ABCD3: variants seen among roughly 807,000 people sequenced by gnomAD.
ABCD3 encodes ATP-binding cassette sub-family D member 3.
In ABCD3, 41 loss-of-function variants were observed where a neutral mutation model predicts 105.5. The ratio of observed to expected loss-of-function variants is 0.39; its 90% CI spans 0.30 to 0.50. The LOEUF is 0.50. ABCD3 is among the 20% of genes least tolerant of loss of function. ABCD3 has a pLI of 0.84. For missense variants in ABCD3, 622 were observed against 806.3 expected (o/e 0.77, Z 2.77); for synonymous variants, 258 against 269.0 (o/e 0.96, Z 0.40).
chr1:94,456,945 A>T (rs1340934704), intron 1 of ABCD3, among the ~76,000 whole-genome samples: 1 of 152,146 alleles, frequency 6.6e-6, no homozygotes, highest in Non-Finnish European at 1.5e-5. Flanking sequence ...AGTCATCCTA[A>T]GAAGTATGAG....
At chr1:94,409,213 AAG>A in the ABCD3 span, among the ~76,000 whole-genome samples, 1 of 152,198 alleles carries the variant, frequency 6.6e-6, no homozygotes, top group Non-Finnish European at 1.5e-5. Flanking sequence ...AAATAACTAA[AAG>A]AGTACAATTG....
intron 2 of ABCD3, among the ~76,000 whole-genome samples, chr1:94,459,226 A>C (rs1024456520): frequency 2.6e-4 from 40 of 151,624 alleles, no homozygotes; most frequent in African/African-American, 9.5e-4. Context: ...TCTCTAGTAC[A>C]CCCACATATA....
intron 1 of ABCD3, among the ~76,000 whole-genome samples, chr1:94,444,339 A>AAC (rs1660257617): frequency 6.6e-6 from 1 of 151,208 alleles, no homozygotes; most frequent in Non-Finnish European, 1.5e-5. Flanking sequence ...CTCAAAAAAA[A>AAC]AAAAAAAAAA....
chr1:94,496,694 G>GTTTTTTTTTTTTT (rs71094302), intron 16 of ABCD3, among the ~76,000 whole-genome samples: 3 of 39,372 alleles, frequency 7.6e-5, no homozygotes, highest in Non-Finnish European at 1.2e-4. Context: ...CCTTGTTTCT[G>GTTTTTTTTTTTTT]TTTTTTTTTT....
At chr1:94,435,892 GC>G (rs1159116111) in intron 1 of ABCD3, among the ~76,000 whole-genome samples, 14 of 152,294 alleles carry the variant, frequency 9.2e-5, no homozygotes, top group African/African-American at 3.4e-4. Context: ...GTTTATTACA[GC>G]TCTTGTCCTT....
chr1:94,475,679 C>T lies in ABCD3; in HGVS notation c.569C>T (p.Thr190Ile), dbSNP rs774706271. ...ATAGCTAATCCAGACCAGCTGCTTA[C>T]ACAAGATGTAGAAAAATTTTGTAAC... ...NRIANPDQLL[T>I]QDVEKFCNSV... is the part of the protein sequence containing the mutation. The change falls in exon 7 of 23, where the codon ACA (threonine) becomes ATA (isoleucine). Residue 190 changes from threonine to isoleucine, a missense_variant. By Grantham distance (89) the Thr-to-Ile change is moderately conservative (BLOSUM62 -1). This residue lies in a region of ABCD3 where 245 missense variants were observed against 356.4 expected (regional missense o/e 0.69). Transcript: ENST00000370214. The T allele has an allele frequency of 6.2e-7, 1 of 1,611,074 alleles. No homozygotes were observed. The highest frequency in any genetic ancestry group is 8.5e-7 in the Non-Finnish European group (1 of 1,177,596).
chr1:94,475,608 T>C lies in ABCD3; in HGVS notation c.504-6T>C. On this transcript the variant is annotated splice_region_variant and splice_polypyrimidine_tract_variant and intron_variant, in intron 6 of 22. Coordinates refer to ENST00000370214, the MANE Select transcript of ABCD3 (RefSeq NM_002858.4). ...TTTAAAATCACTTTTCTTCTTGCTA[T>C]TTTAGAGCTTTCACATATTATAAAA... is the stretch of plus-strand genomic sequence containing the variant. 1 of 1,610,114 alleles carries C rather than the reference T, an allele frequency of 6.2e-7. No homozygotes were observed. Among genetic ancestry groups the C allele is most frequent in the Non-Finnish European group, 8.5e-7 (1 of 1,176,880 alleles).
chr1:94,489,175 T>C (rs925577768), intron 13 of ABCD3, among the ~76,000 whole-genome samples: 1 of 152,110 alleles, frequency 6.6e-6, no homozygotes, highest in African/African-American at 2.4e-5. Flanking sequence ...AGTTTTGATT[T>C]TTCTCTATTG....
At chr1:94,469,350 T>C (rs1204921715) in intron 4 of ABCD3, among the ~76,000 whole-genome samples, 4 of 152,128 alleles carry the variant, frequency 2.6e-5, no homozygotes. Context: ...ATATAATTTT[T>C]GGTTAAATCA....
At position 94,506,051 on chromosome 1, in the gene ABCD3, A is replaced by G. The variant is rs187442999; in HGVS notation, c.1741-487A>G. On this transcript the variant is annotated intron_variant, in intron 20 of 22. Coordinates refer to ENST00000370214, the MANE Select transcript of ABCD3 (RefSeq NM_002858.4). ...ATTTATAAAATTAGCAAAGGCTTAA[A>G]AAAATGAGCACAACCAGAACTGACA... Among the ~76,000 whole-genome samples the G allele has an allele frequency of 4.6e-5, 7 of 152,326 alleles. 2 individuals are homozygous for G. The highest frequency in any genetic ancestry group is 1.7e-4 in the African/African-American group (7 of 41,578).
intron 9 of ABCD3, 116 bp downstream of exon 9, chr1:94,480,722 G>A: frequency 9.0e-7 from 1 of 1,108,844 alleles, no homozygotes; most frequent in Non-Finnish European, 1.3e-6. Flanking sequence ...TGCATATTGT[G>A]TTGAAAATAT....
Position 94,496,694 on chromosome 1 carries a change from G to GGT in ABCD3, c.1387-1908_1387-1907insGT, listed in dbSNP as rs1302104709. Among the ~76,000 whole-genome samples the GGT allele has an allele frequency of 5.8e-3, 228 of 39,370 alleles. 1 individual carries two copies. The highest frequency in any genetic ancestry group is 0.036 in the Middle Eastern group (1 of 28). 25.8% of individuals were successfully genotyped at this position (39,370 alleles called of 152,430 possible). On this transcript the variant is annotated intron_variant, in intron 16 of 22. Coordinates refer to ENST00000370214, the MANE Select transcript of ABCD3 (RefSeq NM_002858.4). The stretch of plus-strand genomic sequence containing the variant: ...CTTCAGTAAAATCAGCCTTGTTTCT[G>GGT]TTTTTTTTTTTTTTTTTTTTTTTTT...
At chr1:94,399,104 G>A in the ABCD3 span, among the ~76,000 whole-genome samples, 1 of 152,098 alleles carries the variant, frequency 6.6e-6, no homozygotes, top group Non-Finnish European at 1.5e-5. Context: ...ACAAAGTCAT[G>A]TACTCACCAC....
At chr1:94,416,479 T>G (rs1233214836), upstream of ABCD3, among the ~76,000 whole-genome samples, 1 of 152,184 alleles carries the variant, frequency 6.6e-6, no homozygotes, top group Non-Finnish European at 1.5e-5. Flanking sequence ...CTGTTCATCC[T>G]TGTGTTATCT....
Position 94,513,535 on chromosome 1 carries a change from C to T in ABCD3, c.1846-1611C>T, listed in dbSNP as rs182520877. 23 of 152,132 alleles carry T rather than the reference C, an allele frequency of 1.5e-4. No homozygotes were observed. The East Asian group carries it at 2.7e-3, about 18-fold the overall frequency. The allele number at this position is 152,132 out of a possible 1,614,324, so 9.4% of individuals were successfully genotyped here. A position where few individuals can be genotyped will look rare whatever the true frequency, so the allele number is the denominator to read the frequency against. ...TTTACAGCTACAAAACTAATATAAA[C>T]TTACACATTAAATACATTAAATACA... On this transcript the variant is annotated intron_variant, in intron 21 of 22. Transcript: ENST00000370214.
At chr1:94,454,757 T>A (rs1198288007) in intron 1 of ABCD3, among the ~76,000 whole-genome samples, 1 of 152,198 alleles carries the variant, frequency 6.6e-6, no homozygotes, top group Non-Finnish European at 1.5e-5. Flanking sequence ...GTTCAAGCCA[T>A]TCTTCTGCCT....
chr1:94,455,891 A>G, intron 1 of ABCD3: 1 of 1,193,800 alleles, frequency 8.4e-7, no homozygotes, highest in Non-Finnish European at 1.1e-6. Flanking sequence ...ATCAATTTAT[A>G]ACATTTATTA....
At chr1:94,439,688 TG>T (rs1660063654) in intron 1 of ABCD3, among the ~76,000 whole-genome samples, 1 of 152,240 alleles carries the variant, frequency 6.6e-6, no homozygotes. Context: ...GTATATAATT[TG>T]TATATTTACT....
chr1:94,426,462 T>G (rs1557658176), intron 1 of ABCD3, among the ~76,000 whole-genome samples: 1 of 152,202 alleles, frequency 6.6e-6, no homozygotes, highest in Non-Finnish European at 1.5e-5. Context: ...TACATTCATT[T>G]TTATGACTCT....
Sources: allele counts gnomAD v4.1 joint callset (sites outside exome capture counted in the v4.1 genomes callset), GRCh38; gene constraint gnomAD v4.1.1; regional missense constraint gnomAD v4.1.1; transcripts MANE v1.5; gene names NCBI Gene and HGNC (gene_info 2026-07-23, HGNC 2026-07-21).